PCDH15: variants seen among roughly 807,000 people sequenced by gnomAD.
PCDH15 encodes protocadherin-15.
A neutral mutation model predicts 178.5 loss-of-function variants in PCDH15; 129 were observed. The ratio of observed to expected loss-of-function variants is 0.72; its 90% CI spans 0.63 to 0.84. The LOEUF (loss-of-function observed/expected upper bound fraction) is 0.84. Ranked by LOEUF, PCDH15 falls within the 40% of genes least tolerant of loss-of-function variation. The pLI, the probability that PCDH15 is intolerant of heterozygous loss-of-function variation, is 0.00. For synonymous variants in PCDH15, 800 were observed against 732.0 expected (o/e 1.09, Z -1.50); for missense variants, 2,230 against 2,099.9 (o/e 1.06, Z -1.21).
intron 2 of PCDH15, among the ~76,000 whole-genome samples, chr10:55,140,959 G>C (rs1325853933): frequency 3.3e-5 from 5 of 151,908 alleles, no homozygotes; most frequent in African/African-American, 1.2e-4. Flanking sequence ...CCTGATACTG[G>C]TAATTTGTGT....
intron 3 of PCDH15, among the ~76,000 whole-genome samples, chr10:54,460,456 G>A (rs1306573415): frequency 6.6e-6 from 1 of 151,974 alleles, no homozygotes; most frequent in African/African-American, 2.4e-5. Flanking sequence ...AAAAATATTT[G>A]GAGACAGTTG....
At chr10:55,082,991 C>T (rs903452793) in intron 2 of PCDH15, among the ~76,000 whole-genome samples, 1 of 151,904 alleles carries the variant, frequency 6.6e-6, no homozygotes, top group African/African-American at 2.4e-5. Flanking sequence ...AATACCAGTC[C>T]TACTCAAACT....
intron 3 of PCDH15, among the ~76,000 whole-genome samples, chr10:54,857,518 C>A (rs932357392): frequency 6.6e-6 from 1 of 152,156 alleles, no homozygotes; most frequent in African/African-American, 2.4e-5. Context: ...TGAATCATAG[C>A]TCACTGCAAC....
chr10:53,827,613 A>G (rs535338724), intron 31 of PCDH15, 65 bp from the exon 32 acceptor site: 55 of 1,575,492 alleles, frequency 3.5e-5, no homozygotes, highest in Non-Finnish European at 1.1e-5. Flanking sequence ...TCAATAAGCC[A>G]CCTTTTAATA....
At chr10:53,918,618 T>C (rs1048858822) in intron 25 of PCDH15, among the ~76,000 whole-genome samples, 3 of 152,164 alleles carry the variant, frequency 2.0e-5, no homozygotes, top group Non-Finnish European at 4.4e-5. Context: ...TCTATGGTAT[T>C]GTTGAAGGAA....
chr10:54,369,281 A>C lies in PCDH15; in HGVS notation c.319-6T>G. The C allele has an allele frequency of 6.2e-7, 1 of 1,612,042 alleles. No individual in the cohort carries two copies. The highest frequency in any genetic ancestry group is 8.5e-7 in the Non-Finnish European group (1 of 1,178,904). On this transcript the variant is annotated splice_polypyrimidine_tract_variant and splice_region_variant and intron_variant, in intron 4 of 37. Transcript: ENST00000644397. ...GAGTGTATGTTCATCGGTGGCTGCA[A>C]TGTAGAAATTGCATCTTTTAAAATA...
chr10:55,468,252 G>C lies in PCDH15; in HGVS notation c.-156+159373C>G, dbSNP rs1036870880. 3.3e-5 allele frequency: 5 copies of C among 152,066 alleles called. No homozygotes were observed. The South Asian group carries it at 1.0e-3, about 31-fold the overall frequency. The allele number at this position is 152,066 out of a possible 1,614,324, so 9.4% of individuals were successfully genotyped here. ...TGCCCAACTTTTACAACTCAGATAA[G>C]TCTGCCTAGTGACTTTTCGTTGTCG... is the stretch of plus-strand genomic sequence containing the variant. On this transcript the variant is annotated intron_variant, in intron 2 of 5. Transcript: ENST00000613346.
intron 2 of PCDH15, among the ~76,000 whole-genome samples, chr10:55,545,289 A>G (rs1841855460): frequency 2.1e-5 from 3 of 143,596 alleles, no homozygotes; most frequent in Non-Finnish European, 4.6e-5. Context: ...TTTTTTTTAG[A>G]TGGAGTCTCA....
At chr10:55,384,450 TAAG>T (rs1398084952) in intron 2 of PCDH15, among the ~76,000 whole-genome samples, 8 of 152,304 alleles carry the variant, frequency 5.3e-5, no homozygotes, top group East Asian at 3.9e-4. Context: ...GATGTTATGA[TAAG>T]AAGAAATTCA....
intron 18 of PCDH15, among the ~76,000 whole-genome samples, chr10:54,026,589 T>A (rs1292540349): frequency 6.6e-6 from 1 of 152,208 alleles, no homozygotes; most frequent in Non-Finnish European, 1.5e-5. Flanking sequence ...GTATATTTGA[T>A]GCTTATGGAA....
intron 2 of PCDH15, among the ~76,000 whole-genome samples, chr10:55,442,481 T>TAATA (rs56220182): frequency 5.5e-4 from 68 of 123,068 alleles, no homozygotes; most frequent in African/African-American, 1.9e-3. Flanking sequence ...TATATATATA[T>TAATA]TATATATATA....
chr10:55,241,054 A>G (rs1437103075), intron 1 of PCDH15, among the ~76,000 whole-genome samples: 1 of 152,134 alleles, frequency 6.6e-6, no homozygotes, highest in African/African-American at 2.4e-5. Flanking sequence ...GTTTCTATTA[A>G]AAATACAAAA....
At chr10:53,965,866 A>G (rs1301897057) in intron 21 of PCDH15, among the ~76,000 whole-genome samples, 6 of 73,696 alleles carry the variant, frequency 8.1e-5, no homozygotes, top group Admixed American at 2.0e-4. Context: ...TAATAAAGCC[A>G]AAATTTTTTT....
chr10:55,528,845 A>G (rs920899009), intron 2 of PCDH15, among the ~76,000 whole-genome samples: 27 of 152,258 alleles, frequency 1.8e-4, no homozygotes, highest in Admixed American at 1.1e-3. Flanking sequence ...TCCCACCAAC[A>G]GTGTAAAACT....
chr10:54,533,464 AT>A (rs2084140872), intron 2 of PCDH15, among the ~76,000 whole-genome samples: 2 of 152,172 alleles, frequency 1.3e-5, no homozygotes, highest in Non-Finnish European at 2.9e-5. Flanking sequence ...AGAGCTCACA[AT>A]AATAGACAAA....
At chr10:55,108,708 T>TA (rs35620650) in intron 2 of PCDH15, among the ~76,000 whole-genome samples, 11,670 of 144,302 alleles carry the variant, frequency 0.081, 1,352 homozygotes, top group African/African-American at 0.26. Context: ...GGTTTCCAAA[T>TA]AAAAAAAAAA....
At chr10:54,771,542 A>G (rs560716803) in intron 1 of PCDH15, among the ~76,000 whole-genome samples, 1 of 152,134 alleles carries the variant, frequency 6.6e-6, no homozygotes, top group African/African-American at 2.4e-5. Context: ...AGCTTTATTT[A>G]TAAGTACATT....
At chr10:54,130,394 G>A (rs2042334008) in intron 15 of PCDH15, among the ~76,000 whole-genome samples, 1 of 152,142 alleles carries the variant, frequency 6.6e-6, no homozygotes, top group Non-Finnish European at 1.5e-5. Flanking sequence ...TCTGGCTCCA[G>A]CATTTGACTG....
chr10:54,198,358 G>A (rs1276176442), intron 10 of PCDH15, among the ~76,000 whole-genome samples: 2 of 151,986 alleles, frequency 1.3e-5, no homozygotes, highest in Non-Finnish European at 2.9e-5. Context: ...CCAACCCAAT[G>A]ACCTTGAAAT....
Sources: gnomAD v4.1 joint callset for allele counts (sites outside exome capture counted in the v4.1 genomes callset) on GRCh38, gnomAD v4.1.1 for gene constraint, MANE v1.5 for transcripts, NCBI Gene and HGNC (gene_info 2026-07-23, HGNC 2026-07-21) for gene names.